The following MCF2L2 variants were observed in gnomAD, a reference collection of about 807,000 sequenced individuals.
The protein encoded by MCF2L2 is MCF.2 cell line derived transforming sequence-like 2.
Under a neutral mutation model 150.2 loss-of-function variants are expected in MCF2L2, and 102 were observed. The ratio of observed to expected loss-of-function variants is 0.68; its 90% CI spans 0.58 to 0.80. MCF2L2 has a LOEUF of 0.80. MCF2L2 is among the 30% of genes least tolerant of loss of function. The pLI is 0.00. For synonymous variants in MCF2L2, 465 were observed against 491.3 expected (o/e 0.95, Z 0.71); for missense variants, 1,256 against 1,372.8 (o/e 0.91, Z 1.34).
chr3:183,339,981 T>C (rs186605447), intron 4 of MCF2L2, among the ~76,000 whole-genome samples: 41 of 152,300 alleles, frequency 2.7e-4, no homozygotes, highest in Non-Finnish European at 5.4e-4. Flanking sequence ...GTATTATGTA[T>C]GGACCCTGGA....
At chr3:183,310,100 C>T (rs1406375734) in intron 9 of MCF2L2, among the ~76,000 whole-genome samples, 1 of 152,080 alleles carries the variant, frequency 6.6e-6, no homozygotes, top group African/African-American at 2.4e-5. Flanking sequence ...GTGGCTCATG[C>T]CTATAATCAC....
At chr3:183,279,090 A>G (rs879306755) in intron 14 of MCF2L2, among the ~76,000 whole-genome samples, 3 of 152,174 alleles carry the variant, frequency 2.0e-5, no homozygotes, top group Non-Finnish European at 4.4e-5. Flanking sequence ...ATTAAGGTAT[A>G]GACAGATTAG....
intron 9 of MCF2L2, chr3:183,310,707 C>T: frequency 1.8e-6 from 1 of 549,838 alleles, no homozygotes; most frequent in South Asian, 2.3e-5. Context: ...CCATGTACAT[C>T]AACAGGTAAA....
chr3:183,355,613 A>ATTTTTTTTTTTTTTTT (rs71185653), intron 3 of MCF2L2, among the ~76,000 whole-genome samples: 1 of 84,454 alleles, frequency 1.2e-5, no homozygotes, highest in Non-Finnish European at 2.2e-5. Context: ...CGCCCAGCTA[A>ATTTTTTTTTTTTTTTT]TTTTTTTTTT....
intron 27 of MCF2L2, 78 bp downstream of exon 27, chr3:183,192,921 G>T: frequency 9.7e-7 from 1 of 1,033,472 alleles, no homozygotes; most frequent in Non-Finnish European, 1.5e-6. Context: ...GGCCCTAGGT[G>T]ATGTCTTCCT....
intron 15 of MCF2L2, among the ~76,000 whole-genome samples, chr3:183,251,306 C>T (rs749714013): frequency 1.3e-5 from 2 of 152,218 alleles, no homozygotes; most frequent in Non-Finnish European, 2.9e-5. Context: ...ACCTGCTTCT[C>T]CTTTCATGAT....
At chr3:183,289,405 T>C (rs9881714) in intron 13 of MCF2L2, among the ~76,000 whole-genome samples, 185 bp from the exon 14 acceptor site, 25,705 of 152,094 alleles carry the variant, frequency 0.17, 2,713 homozygotes, top group East Asian at 0.49. Context: ...AGAGGAGAAA[T>C]AGAATCCTTG....
chr3:183,376,692 T>C (rs1029692531), intron 3 of MCF2L2: 1 of 152,210 alleles, frequency 6.6e-6, no homozygotes, highest in South Asian at 2.1e-4. Flanking sequence ...AGCATAGACA[T>C]TTATTCATAA....
In MCF2L2 at chr3:183,224,155, C is replaced by A; in HGVS notation, c.2151G>T (p.Lys717Asn). Residue 717 changes from lysine (K) to asparagine (N), a missense_variant, in exon 19 of 30, where the codon AAG (lysine) becomes AAT (asparagine). Transcript: ENST00000328913. ...AGATTGCCCTAGCTCGGGGCAGATT[C>A]TTATGGTATTTAAAATATATCTGAA... ...EDLQIYFKYH[K>N]NLPRARAIWQ... The A allele has an allele frequency of 6.2e-7, 1 of 1,613,746 alleles. No individual in the cohort carries two copies. Among genetic ancestry groups the A allele is most frequent in the Non-Finnish European group, 8.5e-7 (1 of 1,179,762 alleles).
intron 27 of MCF2L2, among the ~76,000 whole-genome samples, chr3:183,191,291 A>C (rs1428595765): frequency 6.6e-6 from 1 of 151,842 alleles, no homozygotes; most frequent in Non-Finnish European, 1.5e-5. Flanking sequence ...ACCATCCCCC[A>C]CCAGAGAGGC....
chr3:183,271,495 C>A (rs1223438819), intron 15 of MCF2L2: 2 of 167,040 alleles, frequency 1.2e-5, no homozygotes, highest in African/African-American at 4.8e-5. Flanking sequence ...AGACAAATCA[C>A]GTCTTACCAC....
At chr3:183,198,817 G>A (rs972068846) in intron 25 of MCF2L2, among the ~76,000 whole-genome samples, 10 of 152,118 alleles carry the variant, frequency 6.6e-5, no homozygotes, top group Non-Finnish European at 1.5e-4. Context: ...TTCTAAACAA[G>A]CTTGTGACTA....
At chr3:183,272,816 G>T in intron 15 of MCF2L2, 1 of 1,208,362 alleles carries the variant, frequency 8.3e-7, no homozygotes, top group Non-Finnish European at 1.0e-6. Flanking sequence ...AAGTGTTTAA[G>T]GTTGCCATTG....
At chr3:183,406,437 G>C (rs1715046904) in intron 1 of MCF2L2, among the ~76,000 whole-genome samples, 1 of 152,258 alleles carries the variant, frequency 6.6e-6, no homozygotes, top group African/African-American at 2.4e-5. Context: ...CTCAGCTTGA[G>C]AGTTCTTTTT....
chr3:183,238,523 G>T (rs1723847181), intron 15 of MCF2L2, among the ~76,000 whole-genome samples: 1 of 151,412 alleles, frequency 6.6e-6, no homozygotes, highest in African/African-American at 2.4e-5. Flanking sequence ...TTGATCTCCT[G>T]ACCTCGTGAT....
intron 7 of MCF2L2, among the ~76,000 whole-genome samples, chr3:183,317,418 T>G (rs1013840486): frequency 6.6e-6 from 1 of 152,054 alleles, no homozygotes; most frequent in Non-Finnish European, 1.5e-5. Context: ...CCCGGGAAGA[T>G]TTCCCTGTAC....
Position 183,305,371 on chromosome 3 carries a change from C to T in MCF2L2, c.1113+4345G>A, listed in dbSNP as rs957292546. Among the ~76,000 whole-genome samples the T allele has an allele frequency of 6.6e-6, 1 of 151,664 alleles. No individual in the cohort carries two copies. Among genetic ancestry groups the T allele is most frequent in the African/African-American group, 2.4e-5 (1 of 41,234 alleles). ...GCTGCCTAATTTATTAAGAACAGGG[C>T]AGAATTTTCTGGGTCCAGGGAAATT... On this transcript the variant is annotated intron_variant, in intron 10 of 29. Transcript: ENST00000328913. The surrounding 1 kb of genome is among the most constrained non-coding windows in gnomAD (Gnocchi z 4.1).
intron 14 of MCF2L2, among the ~76,000 whole-genome samples, chr3:183,282,735 C>T (rs970843699): frequency 6.6e-6 from 1 of 152,172 alleles, no homozygotes; most frequent in African/African-American, 2.4e-5. Flanking sequence ...TAAATCTTAA[C>T]CCATAAATAA....
intron 15 of MCF2L2, among the ~76,000 whole-genome samples, chr3:183,248,714 T>C (rs1724375561): frequency 6.6e-6 from 1 of 152,090 alleles, no homozygotes; most frequent in Non-Finnish European, 1.5e-5. Flanking sequence ...GGGGTGCACC[T>C]GTAGTCCCCA....
Sources: gnomAD v4.1 joint callset for allele counts (sites outside exome capture counted in the v4.1 genomes callset) on GRCh38, gnomAD v4.1.1 for gene constraint, Gnocchi (gnomAD v3.1) non-coding constraint, MANE v1.5 for transcripts, NCBI Gene and HGNC (gene_info 2026-07-23, HGNC 2026-07-21) for gene names.